ANKS1B: variants seen among roughly 807,000 people sequenced by gnomAD.
ANKS1B encodes the protein ankyrin repeat and sterile alpha motif domain containing 1B.
In ANKS1B, 36 loss-of-function variants were observed where a neutral mutation model predicts 148.3. That is an observed-to-expected ratio of 0.24 (90% CI 0.19 to 0.32). The LOEUF is 0.32. Among genes scored for constraint, ANKS1B ranks in the 10% least tolerant of loss-of-function variants. The probability of loss-of-function intolerance (pLI) is 1.00; values close to 1 mark genes in which losing one functional copy is unlikely to be tolerated. For missense variants in ANKS1B, 1,157 were observed against 1,542.6 expected (o/e 0.75, Z 4.19); for synonymous variants, 542 against 560.8 (o/e 0.97, Z 0.47).
intron 9 of ANKS1B, among the ~76,000 whole-genome samples, chr12:99,534,728 G>C (rs1050598967): frequency 5.7e-5 from 2 of 35,310 alleles, no homozygotes; most frequent in South Asian, 8.6e-4. Context: ...TTTTTTTTTT[G>C]AGATGGAGTC....
intron 11 of ANKS1B, among the ~76,000 whole-genome samples, chr12:99,437,678 G>A (rs1381931035): frequency 6.6e-6 from 1 of 151,762 alleles, no homozygotes; most frequent in Non-Finnish European, 1.5e-5. Context: ...TTGAACTTTG[G>A]AATTAATTAG....
intron 15 of ANKS1B, among the ~76,000 whole-genome samples, chr12:99,122,419 A>G (rs1175203354): frequency 6.6e-6 from 1 of 152,206 alleles, no homozygotes; most frequent in South Asian, 2.1e-4. Flanking sequence ...TCTGGTTTTT[A>G]CATGAATCTT....
chr12:99,887,704 A>C (rs144064116), intron 1 of ANKS1B, among the ~76,000 whole-genome samples: 1 of 152,356 alleles, frequency 6.6e-6, no homozygotes, highest in African/African-American at 2.4e-5. Flanking sequence ...GTTAAATAAT[A>C]CATTAAAGGT....
chr12:99,850,229 T>G (rs73374340), intron 1 of ANKS1B, among the ~76,000 whole-genome samples: 7,727 of 150,426 alleles, frequency 0.051, 627 homozygotes, highest in African/African-American at 0.18. Context: ...TCAAAACATG[T>G]TATCCCAAAA....
intron 8 of ANKS1B, among the ~76,000 whole-genome samples, chr12:99,756,518 T>A (rs2061583193): frequency 6.6e-6 from 1 of 152,038 alleles, no homozygotes; most frequent in Non-Finnish European, 1.5e-5. Flanking sequence ...TCAATTTAGA[T>A]TCAATACTAT....
chr12:98,781,998 C>T, intron 23 of ANKS1B, 128 bp downstream of exon 23: 1 of 794,136 alleles, frequency 1.3e-6, no homozygotes, highest in Non-Finnish European at 2.0e-6. Flanking sequence ...CAAAAAGTTT[C>T]TCTATAATTT....
chr12:99,794,196 C>G (rs902298188), intron 4 of ANKS1B, among the ~76,000 whole-genome samples: 4 of 151,730 alleles, frequency 2.6e-5, no homozygotes, highest in Non-Finnish European at 5.9e-5. Context: ...GATGTGAAAA[C>G]AAGGGAATCC....
At chr12:99,235,810 G>A (rs1047227232) in intron 14 of ANKS1B, among the ~76,000 whole-genome samples, 4 of 152,136 alleles carry the variant, frequency 2.6e-5, no homozygotes, top group African/African-American at 7.2e-5. Context: ...GGGCCCAGCC[G>A]AGTTAGAATA....
intron 17 of ANKS1B, among the ~76,000 whole-genome samples, chr12:98,990,813 C>G (rs2099926195): frequency 6.6e-6 from 1 of 152,172 alleles, no homozygotes; most frequent in Admixed American, 6.5e-5. Flanking sequence ...ACTAGGGTGG[C>G]TGAGCTGAGC....
chr12:98,885,709 A>G (rs1354623460), intron 17 of ANKS1B, among the ~76,000 whole-genome samples: 1 of 152,152 alleles, frequency 6.6e-6, no homozygotes, highest in East Asian at 1.9e-4. Flanking sequence ...AAAGGCTGAT[A>G]ATGGAGACAT....
chr12:99,141,294 C>G (rs1447133394), intron 15 of ANKS1B, among the ~76,000 whole-genome samples: 1 of 152,108 alleles, frequency 6.6e-6, no homozygotes. Context: ...CTTCTTCTAT[C>G]CAATGCAACA....
At chr12:99,916,021 AC>A (rs138883439) in intron 1 of ANKS1B, among the ~76,000 whole-genome samples, 2,423 of 152,278 alleles carry the variant, frequency 0.016, 77 homozygotes, top group African/African-American at 0.055. Flanking sequence ...GGCACAACCT[AC>A]CCCAGTATGA....
Position 99,307,222 on chromosome 12 carries a change from A to T in ANKS1B, c.1757-60358T>A, listed in dbSNP as rs184347074. On this transcript the variant is annotated intron_variant, in intron 12 of 26. Coordinates refer to ENST00000683438, the MANE Select transcript of ANKS1B (RefSeq NM_001352186.2). ...GGATTCTTCAGGATTGCATGATATA[A>T]TATTTCAAATGGCCTCTAATTTCTT... Among the ~76,000 whole-genome samples the T allele has an allele frequency of 3.9e-5, 6 of 152,228 alleles. No homozygotes were observed. The East Asian group carries it at 1.2e-3, about 29-fold the overall frequency.
rs928968334 is a variant in ANKS1B at position 99,907,838 on chromosome 12, A to C, written c.134+76266T>G. ...AAAAAAAAAAAAAAAAAAAAAAAAA[A>C]CTGTAAAAACCTGACTGTTCTGATA... On this transcript the variant is annotated intron_variant, in intron 1 of 26. Coordinates refer to ENST00000683438, the MANE Select transcript of ANKS1B (RefSeq NM_001352186.2). Among the ~76,000 whole-genome samples, 3 of 129,242 alleles carry C rather than the reference A, an allele frequency of 2.3e-5. No individual in the cohort carries two copies. In the South Asian group the frequency reaches 7.2e-4, roughly 31 times the overall value. 84.8% of individuals were successfully genotyped at this position (129,242 alleles called of 152,430 possible). A position where few individuals can be genotyped will look rare whatever the true frequency, so the allele number is the denominator to read the frequency against.
chr12:99,264,947 C>T (rs1277256068), intron 12 of ANKS1B, among the ~76,000 whole-genome samples: 2 of 152,026 alleles, frequency 1.3e-5, no homozygotes, highest in Non-Finnish European at 2.9e-5. Context: ...ACTTCATTGG[C>T]CTAGTGTAGG....
intron 12 of ANKS1B, among the ~76,000 whole-genome samples, chr12:99,362,493 G>A (rs1033696538): frequency 6.6e-6 from 1 of 152,048 alleles, no homozygotes; most frequent in South Asian, 2.1e-4. Context: ...ATGTTAAAGT[G>A]TGCCTAATAA....
At chr12:99,599,432 G>A (rs1445749344) in intron 9 of ANKS1B, among the ~76,000 whole-genome samples, 1 of 152,012 alleles carries the variant, frequency 6.6e-6, no homozygotes, top group Non-Finnish European at 1.5e-5. Context: ...TGTTTAAATT[G>A]TATTCTGTAG....
At chr12:99,290,519 C>T (rs528287723) in intron 12 of ANKS1B, among the ~76,000 whole-genome samples, 31 of 151,960 alleles carry the variant, frequency 2.0e-4, no homozygotes, top group African/African-American at 7.2e-4. Context: ...TACAAAAATC[C>T]TCAACAAAAT....
chr12:99,922,975 A>G (rs2094397956), intron 1 of ANKS1B, among the ~76,000 whole-genome samples: 1 of 152,166 alleles, frequency 6.6e-6, no homozygotes, highest in African/African-American at 2.4e-5. Context: ...AAATTACTTA[A>G]TCTGTGGCAT....
Sources: gnomAD v4.1 joint callset for allele counts (sites outside exome capture counted in the v4.1 genomes callset) on GRCh38, gnomAD v4.1.1 for gene constraint, MANE v1.5 for transcripts, NCBI Gene and HGNC (gene_info 2026-07-23, HGNC 2026-07-21) for gene names.